The following NAV2 variants were observed in gnomAD, a reference collection of about 807,000 sequenced individuals.
NAV2 encodes neuron navigator 2, also known as helicase, APC down-regulated 1.
In NAV2, 54 loss-of-function variants were observed where a neutral mutation model predicts 223.2. The observed-to-expected ratio is 0.24, with a 90% confidence interval of 0.19 to 0.30. The LOEUF (loss-of-function observed/expected upper bound fraction) is 0.30. Ranked by LOEUF, NAV2 falls within the 10% of genes least tolerant of loss-of-function variation. NAV2 has a pLI of 1.00. For synonymous variants in NAV2, 1,279 were observed against 1,239.3 expected, an observed-to-expected ratio of 1.03 and a Z score of -0.67; for missense variants, 2,806 against 3,147.5, an observed-to-expected ratio of 0.89 and a Z score of 2.60.
intron 10 of NAV2, among the ~76,000 whole-genome samples, chr11:19,972,045 T>C (rs986449513): frequency 9.2e-5 from 14 of 152,142 alleles, no homozygotes; most frequent in African/African-American, 3.4e-4. Context: ...TCCTGAAAGA[T>C]CTCACACCCT....
At chr11:19,354,876 G>A (rs1223489996) in intron 1 of NAV2, among the ~76,000 whole-genome samples, 1 of 152,162 alleles carries the variant, frequency 6.6e-6, no homozygotes, top group Non-Finnish European at 1.5e-5. Context: ...TGTGCCAGGA[G>A]AGGTTATCAT....
intron 1 of NAV2, among the ~76,000 whole-genome samples, chr11:19,550,538 A>G (rs930090388): frequency 6.6e-6 from 1 of 152,216 alleles, no homozygotes; most frequent in African/African-American, 2.4e-5. Flanking sequence ...TGGAGCAGAG[A>G]TTGGAGCTCA....
chr11:19,561,012 C>G (rs1043344506), intron 1 of NAV2, among the ~76,000 whole-genome samples: 3 of 152,212 alleles, frequency 2.0e-5, no homozygotes, highest in Non-Finnish European at 4.4e-5. Context: ...CAATGTTTTC[C>G]AAACTTCCCT....
At chr11:19,653,752 T>A (rs894777559) in intron 1 of NAV2, among the ~76,000 whole-genome samples, 5 of 152,210 alleles carry the variant, frequency 3.3e-5, no homozygotes, top group African/African-American at 4.8e-5. Flanking sequence ...ACAACTGCTA[T>A]ACCCATTTTG....
At chr11:20,022,679 C>G in intron 11 of NAV2, 1 of 999,292 alleles carries the variant, frequency 1.0e-6, no homozygotes, top group Non-Finnish European at 1.2e-6. Context: ...TGCAATGTTT[C>G]TGTGCAGTCT....
intron 6 of NAV2, among the ~76,000 whole-genome samples, chr11:19,897,833 G>A (rs191333788): frequency 1.4e-4 from 21 of 147,614 alleles, no homozygotes; most frequent in African/African-American, 3.8e-4. Flanking sequence ...CTTTGATTTC[G>A]TTTTCTCTCT....
At chr11:19,383,945 C>A (rs11025109) in intron 1 of NAV2, among the ~76,000 whole-genome samples, 6,728 of 152,108 alleles carry the variant, frequency 0.044, 180 homozygotes, top group South Asian at 0.13. Flanking sequence ...AATGTTTATC[C>A]TCATGTTGCA....
intron 11 of NAV2, among the ~76,000 whole-genome samples, chr11:20,005,872 G>C (rs1414128104): frequency 6.6e-6 from 1 of 152,322 alleles, no homozygotes; most frequent in East Asian, 1.9e-4. Flanking sequence ...TAACATGTAT[G>C]TAGCATACAC....
chr11:19,752,756 A>T (rs1369110307), intron 1 of NAV2, among the ~76,000 whole-genome samples: 1 of 152,204 alleles, frequency 6.6e-6, no homozygotes, highest in Non-Finnish European at 1.5e-5. Context: ...CACAGATAAT[A>T]CTATGAGGGG....
At chr11:19,403,132 A>C (rs180988582) in intron 1 of NAV2, among the ~76,000 whole-genome samples, 24 of 152,318 alleles carry the variant, frequency 1.6e-4, no homozygotes, top group African/African-American at 5.5e-4. Context: ...ATCTCTGCCA[A>C]GTGCTTAGAA....
intron 11 of NAV2, chr11:20,022,636 T>C: frequency 1.2e-5 from 12 of 989,126 alleles, no homozygotes; most frequent in Non-Finnish European, 1.4e-5. Context: ...TTTTGCATCA[T>C]TAAAAGTAGC....
intron 2 of NAV2, among the ~76,000 whole-genome samples, chr11:19,835,537 G>T (rs182757271): frequency 6.6e-6 from 1 of 151,990 alleles, no homozygotes; most frequent in Non-Finnish European, 1.5e-5. Context: ...TTGGTGAGAG[G>T]GGGGAGAAGC....
At chr11:19,549,332 C>A (rs1341932106) in intron 1 of NAV2, among the ~76,000 whole-genome samples, 2 of 152,142 alleles carry the variant, frequency 1.3e-5, no homozygotes, top group African/African-American at 4.8e-5. Context: ...CGGGAGGCTG[C>A]CTTCACGAAG....
upstream of NAV2, among the ~76,000 whole-genome samples, chr11:19,708,199 G>T (rs1182148849): frequency 1.3e-5 from 2 of 152,074 alleles, no homozygotes; most frequent in Non-Finnish European, 2.9e-5. Context: ...ATGTCTTAAG[G>T]TTCTTACCTC....
rs137940603 is a variant in NAV2 at position 20,036,158 on chromosome 11, C to T, written c.2907+61C>T. The T allele has an allele frequency of 1.4e-4, 229 of 1,604,866 alleles. No individual in the cohort carries two copies. The African/African-American group carries it at 2.7e-3, about 19-fold the overall frequency. The stretch of plus-strand genomic sequence containing the variant: ...GCCTCTGGCAGCAGGGAACCTTGGG[C>T]TTGTGGGGTAAGAGGGCCATTTGGG... On this transcript the variant is annotated intron_variant, in intron 12 of 37. Transcript: ENST00000349880.
intron 3 of NAV2, among the ~76,000 whole-genome samples, chr11:19,860,210 C>T (rs1448269797): frequency 2.7e-5 from 4 of 148,438 alleles, no homozygotes; most frequent in African/African-American, 1.0e-4. Flanking sequence ...GGCTGCCGGG[C>T]GGAGACGCTC....
intron 1 of NAV2, among the ~76,000 whole-genome samples, chr11:19,703,948 C>G (rs2049584494): frequency 6.6e-6 from 1 of 151,516 alleles, no homozygotes; most frequent in African/African-American, 2.4e-5. Context: ...GGGAGGACCA[C>G]TAATTCAGAG....
intron 1 of NAV2, among the ~76,000 whole-genome samples, chr11:19,793,582 G>T (rs996309637): frequency 2.0e-5 from 3 of 152,166 alleles, no homozygotes; most frequent in Non-Finnish European, 4.4e-5. Context: ...GACTGTTCCA[G>T]TAGCCTGGGC....
chr11:20,081,819 A>T (rs1284905385), intron 25 of NAV2, among the ~76,000 whole-genome samples: 1 of 152,240 alleles, frequency 6.6e-6, no homozygotes, highest in African/African-American at 2.4e-5. Flanking sequence ...AAGACTTTAG[A>T]AAAAGGAAAT....
Sources: gnomAD v4.1 joint callset for allele counts (sites outside exome capture counted in the v4.1 genomes callset) on GRCh38, gnomAD v4.1.1 for gene constraint, MANE v1.5 for transcripts, NCBI Gene and HGNC (gene_info 2026-07-23, HGNC 2026-07-21) for gene names.